The following PXDNL variants were observed in gnomAD, a reference collection of about 807,000 sequenced individuals.
PXDNL encodes peroxidasin like, also known as probable oxidoreductase PXDNL.
A neutral mutation model predicts 150.8 loss-of-function variants in PXDNL; 145 were observed. The ratio of observed to expected loss-of-function variants is 0.96; its 90% CI spans 0.84 to 1.10. The LOEUF (loss-of-function observed/expected upper bound fraction) is 1.10, where lower values mean the gene tolerates loss of function less well. PXDNL is among the 50% of genes least tolerant of loss of function. The pLI is 0.00. For missense variants in PXDNL, 2,087 were observed against 1,873.9 expected, an observed-to-expected ratio of 1.11 and a Z score of -2.10; for synonymous variants, 757 against 725.7, an observed-to-expected ratio of 1.04 and a Z score of -0.69.
intron 20 of PXDNL, among the ~76,000 whole-genome samples, chr8:51,344,839 T>C (rs368926438): frequency 6.6e-5 from 10 of 152,080 alleles, no homozygotes; most frequent in Non-Finnish European, 1.2e-4. Flanking sequence ...GCAGAGGAAA[T>C]GGAGATTTGG....
chr8:51,455,115 C>CAAAAAAAAAA (rs536468204), intron 9 of PXDNL, among the ~76,000 whole-genome samples: 1,338 of 15,828 alleles, frequency 0.085, 476 homozygotes, highest in East Asian at 0.57. Flanking sequence ...GACTCCGTCT[C>CAAAAAAAAAA]AAAAAAAAAA....
intron 17 of PXDNL, among the ~76,000 whole-genome samples, chr8:51,397,904 C>A (rs570186046): frequency 1.1e-4 from 16 of 152,096 alleles, no homozygotes; most frequent in Admixed American, 3.9e-4. Context: ...ATCCCTCCCC[C>A]CTCCACCCAC....
At chr8:51,546,550 C>T (rs769446120) in intron 4 of PXDNL, among the ~76,000 whole-genome samples, 1 of 152,140 alleles carries the variant, frequency 6.6e-6, no homozygotes, top group Non-Finnish European at 1.5e-5. Flanking sequence ...TGGGGAGGGG[C>T]CACAGGGTAA....
At chr8:51,759,323 T>C (rs980297031) in intron 1 of PXDNL, among the ~76,000 whole-genome samples, 1 of 152,180 alleles carries the variant, frequency 6.6e-6, no homozygotes, top group African/African-American at 2.4e-5. Context: ...AATGCCACCT[T>C]CTCTGGCAGG....
At chr8:51,372,588 T>C (rs1232146840) in intron 18 of PXDNL, among the ~76,000 whole-genome samples, 1 of 152,190 alleles carries the variant, frequency 6.6e-6, no homozygotes, top group Non-Finnish European at 1.5e-5. Flanking sequence ...ATTCGCCATG[T>C]TGGCCAGGCT....
chr8:51,453,929 A>AT, intron 9 of PXDNL, 144 bp from the exon 10 acceptor site: 1 of 746,210 alleles, frequency 1.3e-6, no homozygotes, highest in Non-Finnish European at 2.1e-6. Flanking sequence ...ATACACATTT[A>AT]ATTCCCAGAA....
At chr8:51,358,654 A>G (rs576146447) in intron 19 of PXDNL, among the ~76,000 whole-genome samples, 1 of 152,266 alleles carries the variant, frequency 6.6e-6, no homozygotes, top group South Asian at 2.1e-4. Flanking sequence ...TGAGGTCCTC[A>G]TCACAGGACG....
rs1317849436 is a variant in PXDNL, at chr8:51,346,844, C to G, written c.3902-897G>C. On this transcript the variant is annotated intron_variant, in intron 19 of 22. Coordinates refer to ENST00000356297, the MANE Select transcript of PXDNL (RefSeq NM_144651.5). Reference sequence around the variant, plus strand: ...TGCACCAGGCTTCCAGTATGGCCTACAGAACTGTGAGCCCATTCAACTGCT... The same window carrying G: ...TGCACCAGGCTTCCAGTATGGCCTAGAGAACTGTGAGCCCATTCAACTGCT... Among the ~76,000 whole-genome samples, 3 of 152,162 alleles carry G rather than the reference C, an allele frequency of 2.0e-5. 1 individual carries two copies. The South Asian group carries it at 6.2e-4, about 32-fold the overall frequency.
Position 51,319,720 on chromosome 8 carries a change from T to G in PXDNL, c.*171A>C. The G allele has an allele frequency of 6.7e-6, 3 of 449,538 alleles. No homozygotes were observed. The highest frequency in any genetic ancestry group is 1.1e-5 in the Non-Finnish European group (3 of 274,356). 27.8% of individuals were successfully genotyped at this position (449,538 alleles called of 1,614,324 possible). A position where few individuals can be genotyped will look rare whatever the true frequency, so the allele number is the denominator to read the frequency against. On this transcript the variant is annotated 3_prime_UTR_variant, in exon 23 of 23. Transcript: ENST00000356297. ...AGTTTTGAATTATTTCAAGGTATGT[T>G]AGAAAATGAAAAAATAAAAGATCGT...
At chr8:51,682,069 T>C (rs1815761840) in intron 1 of PXDNL, among the ~76,000 whole-genome samples, 1 of 152,218 alleles carries the variant, frequency 6.6e-6, no homozygotes, top group African/African-American at 2.4e-5. Flanking sequence ...AAGTGATTTT[T>C]ACATTCCAAT....
intron 4 of PXDNL, among the ~76,000 whole-genome samples, chr8:51,539,760 C>T (rs2130474905): frequency 6.6e-6 from 1 of 152,206 alleles, no homozygotes; most frequent in East Asian, 1.9e-4. Context: ...CTTCAGGATG[C>T]TTCCTCTTTA....
chr8:51,779,017 C>T (rs867254396), intron 1 of PXDNL, among the ~76,000 whole-genome samples: 8 of 152,164 alleles, frequency 5.3e-5, no homozygotes, highest in African/African-American at 1.9e-4. Context: ...GGATATCACC[C>T]TGACCTGGCT....
intron 1 of PXDNL, among the ~76,000 whole-genome samples, chr8:51,761,450 G>T (rs13274159): frequency 0.18 from 26,669 of 152,048 alleles, 2,716 homozygotes; most frequent in Non-Finnish European, 0.22. Context: ...CTCATATCCA[G>T]TGCTCAATAA....
chr8:51,611,431 C>G (rs1051557198), intron 2 of PXDNL, among the ~76,000 whole-genome samples: 1 of 152,094 alleles, frequency 6.6e-6, no homozygotes, highest in African/African-American at 2.4e-5. Context: ...TTTAAGGAGT[C>G]TTAACTATTT....
At chr8:51,689,557 G>C (rs1815945754) in intron 1 of PXDNL, among the ~76,000 whole-genome samples, 7 of 151,912 alleles carry the variant, frequency 4.6e-5, no homozygotes, top group Admixed American at 4.6e-4. Flanking sequence ...GATATATTAA[G>C]AGGCTATTAT....
intron 2 of PXDNL, among the ~76,000 whole-genome samples, chr8:51,596,606 A>C (rs1813572103): frequency 6.6e-6 from 1 of 152,134 alleles, no homozygotes; most frequent in African/African-American, 2.4e-5. Context: ...GACTATTATT[A>C]TAGAGGTAGT....
intron 1 of PXDNL, among the ~76,000 whole-genome samples, chr8:51,807,721 TCATTA>T (rs2037692794): frequency 1.3e-5 from 2 of 152,232 alleles, no homozygotes; most frequent in Admixed American, 1.3e-4. Context: ...TCAGTTCTGC[TCATTA>T]CATTTAGAGG....
intron 6 of PXDNL, among the ~76,000 whole-genome samples, chr8:51,482,053 G>T (rs911361072): frequency 6.6e-6 from 1 of 152,172 alleles, no homozygotes; most frequent in Non-Finnish European, 1.5e-5. Flanking sequence ...TAGATTCACT[G>T]ATAGCTTGTA....
At chr8:51,757,942 A>G (rs2037120037) in intron 1 of PXDNL, among the ~76,000 whole-genome samples, 1 of 152,344 alleles carries the variant, frequency 6.6e-6, no homozygotes, top group African/African-American at 2.4e-5. Context: ...TCCAAAGACT[A>G]CAAAATTAGA....
Sources: gnomAD v4.1 joint callset for allele counts (sites outside exome capture counted in the v4.1 genomes callset) on GRCh38, gnomAD v4.1.1 for gene constraint, MANE v1.5 for transcripts, NCBI Gene and HGNC (gene_info 2026-07-23, HGNC 2026-07-21) for gene names.